Variants in GNB5 observed in about 807,000 individuals in gnomAD.
GNB5 encodes the protein guanine nucleotide-binding protein subunit beta-5.
GNB5 carries 37 observed loss-of-function variants against 55.3 expected under a neutral mutation model. The ratio of observed to expected loss-of-function variants is 0.67; its 90% confidence interval spans 0.51 to 0.88. The LOEUF is 0.88. Ranked by LOEUF, GNB5 falls within the 40% of genes least tolerant of loss-of-function variation. GNB5 has a pLI of 0.00. For synonymous variants in GNB5, 219 were observed against 198.5 expected, an observed-to-expected ratio of 1.10 and a Z score of -0.87; for missense variants, 476 against 515.3, an observed-to-expected ratio of 0.92 and a Z score of 0.74.
intron 7 of GNB5, 65 bp downstream of exon 7, chr15:52,141,075 C>T: frequency 1.4e-6 from 2 of 1,468,648 alleles, no homozygotes; most frequent in Non-Finnish European, 1.9e-6. Flanking sequence ...AAAGCTTCCT[C>T]TCCTCTCAGC....
intron 1 of GNB5, among the ~76,000 whole-genome samples, chr15:52,188,114 A>G (rs1003230363): frequency 6.6e-6 from 1 of 152,148 alleles, no homozygotes; most frequent in African/African-American, 2.4e-5. Context: ...CTTTTTAACA[A>G]ATTGGAATTA....
chr15:52,188,886 T>G (rs1404935500), intron 1 of GNB5, among the ~76,000 whole-genome samples: 1 of 152,256 alleles, frequency 6.6e-6, no homozygotes, highest in South Asian at 2.1e-4. Context: ...GTTTGTTGTT[T>G]ATTCTTCCAG....
intron 3 of GNB5, among the ~76,000 whole-genome samples, chr15:52,161,712 T>C (rs959342690): frequency 2.0e-5 from 3 of 152,204 alleles, no homozygotes; most frequent in Non-Finnish European, 4.4e-5. Flanking sequence ...GGAAGAATCA[T>C]GGAAAGTTAC....
At chr15:52,137,693 C>T (rs2141196892) in intron 7 of GNB5, 4 of 1,185,744 alleles carry the variant, frequency 3.4e-6, no homozygotes, top group African/African-American at 1.6e-5. Flanking sequence ...TCTGGCTGAG[C>T]ATACCTTCCT....
rs28469025 is a variant in GNB5 at position 52,129,556 on chromosome 15, G to A, written c.864-1312C>T. ...ATTATGAATTCATGGAGTATCTGAC[G>A]CATCCATATTCCAATGTCAAAATGA... On this transcript the variant is annotated intron_variant, in intron 9 of 12. Coordinates refer to ENST00000261837, the MANE Select transcript of GNB5 (RefSeq NM_016194.4). Among the ~76,000 whole-genome samples the A allele has an allele frequency of 7.9e-3, 1,210 of 152,258 alleles. 11 individuals are homozygous for A. The highest frequency in any genetic ancestry group is 0.028 in the African/African-American group (1,159 of 41,552).
intron 1 of GNB5, among the ~76,000 whole-genome samples, chr15:52,186,743 G>A (rs1046256905): frequency 1.3e-5 from 2 of 152,162 alleles, no homozygotes; most frequent in Non-Finnish European, 2.9e-5. Context: ...ATGCATTTAT[G>A]GGGGAGGTGA....
At chr15:52,167,233 A>G (rs1165772378) in intron 3 of GNB5, among the ~76,000 whole-genome samples, 1 of 152,220 alleles carries the variant, frequency 6.6e-6, no homozygotes, top group Non-Finnish European at 1.5e-5. Flanking sequence ...TTTACAGCTG[A>G]ATTTTACCAG....
chr15:52,174,136 G>T (rs543203834), intron 3 of GNB5, among the ~76,000 whole-genome samples: 1 of 152,310 alleles, frequency 6.6e-6, no homozygotes, highest in East Asian at 1.9e-4. Flanking sequence ...AATCACGTGA[G>T]CCTTGGGCCA....
intron 2 of GNB5, among the ~76,000 whole-genome samples, chr15:52,181,954 A>T (rs541154176): frequency 6.6e-6 from 1 of 152,220 alleles, no homozygotes; most frequent in African/African-American, 2.4e-5. Flanking sequence ...TAAGTATAAG[A>T]TAAGAATATA....
At chr15:52,151,437 C>A (rs1194024191) in intron 4 of GNB5, among the ~76,000 whole-genome samples, 1 of 152,146 alleles carries the variant, frequency 6.6e-6, no homozygotes, top group African/African-American at 2.4e-5. Context: ...TGTGCAGGGG[C>A]CTACGTACCC....
At chr15:52,160,317 C>T (rs1285141633) in intron 3 of GNB5, among the ~76,000 whole-genome samples, 1 of 152,174 alleles carries the variant, frequency 6.6e-6, no homozygotes, top group Admixed American at 6.5e-5. Context: ...TGACCCAATC[C>T]ATGGGAGTGT....
In GNB5 at chr15:52,122,522, C is replaced by T. The variant is rs2033296197; in HGVS notation, c.*235G>A. On this transcript the variant is annotated 3_prime_UTR_variant, in exon 13 of 13. Transcript: ENST00000261837. ...AACAGATACATTTTAAAAAGTGTTC[C>T]AAAAGAAAAATACTGTACTTGAAGG... is the stretch of plus-strand genomic sequence containing the variant. 4.2e-6 allele frequency: 2 copies of T among 472,978 alleles called. No homozygotes were observed. Among genetic ancestry groups the T allele is most frequent in the Non-Finnish European group, 7.4e-6 (2 of 268,594 alleles). The allele number at this position is 472,978 out of a possible 1,614,324, so 29.3% of individuals were successfully genotyped here.
At chr15:52,128,619 G>C in intron 9 of GNB5, 2 of 506,566 alleles carry the variant, frequency 3.9e-6, no homozygotes, top group South Asian at 1.5e-5. Flanking sequence ...AGCCACATTG[G>C]ATGTCTGCAC....
intron 3 of GNB5, among the ~76,000 whole-genome samples, chr15:52,172,947 C>G (rs1325150032): frequency 6.6e-6 from 1 of 151,992 alleles, no homozygotes; most frequent in Non-Finnish European, 1.5e-5. Context: ...TTTTCTTTTA[C>G]TGAATAAAAA....
chr15:52,154,192 T>C (rs1345079797), intron 3 of GNB5, 116 bp from the exon 4 acceptor site: 1 of 856,500 alleles, frequency 1.2e-6, no homozygotes, highest in Non-Finnish European at 1.7e-6. Flanking sequence ...GCTTCCTCCA[T>C]AACAAGCCAC....
At chr15:52,124,063 C>T (rs2033353547) in intron 12 of GNB5, among the ~76,000 whole-genome samples, 1 of 150,610 alleles carries the variant, frequency 6.6e-6, no homozygotes, top group Non-Finnish European at 1.5e-5. Flanking sequence ...GGCTTCACAG[C>T]CTCCTGGATT....
intron 3 of GNB5, among the ~76,000 whole-genome samples, chr15:52,162,276 C>T (rs937772363): frequency 9.9e-5 from 15 of 152,204 alleles, no homozygotes; most frequent in African/African-American, 2.7e-4. Context: ...CTTTTCATCA[C>T]GATGTGGCTT....
intron 4 of GNB5, among the ~76,000 whole-genome samples, chr15:52,151,275 A>G (rs938017501): frequency 6.6e-6 from 1 of 152,140 alleles, no homozygotes; most frequent in Non-Finnish European, 1.5e-5. Context: ...GGTTCCTAGC[A>G]TTGCCCACAT....
At chr15:52,124,043 T>C (rs375061583) in intron 12 of GNB5, among the ~76,000 whole-genome samples, 15 of 105,972 alleles carry the variant, frequency 1.4e-4, no homozygotes, top group African/African-American at 5.1e-4. Flanking sequence ...AAAAAAGTAA[T>C]AATTTCAGGG....
Sources: gnomAD v4.1 joint callset for allele counts (sites outside exome capture counted in the v4.1 genomes callset) on GRCh38, gnomAD v4.1.1 for gene constraint, MANE v1.5 for transcripts, NCBI Gene and HGNC (gene_info 2026-07-23, HGNC 2026-07-21) for gene names.